Variants in KCNH8 observed in about 807,000 individuals in gnomAD.
The protein encoded by KCNH8 is potassium voltage-gated channel subfamily H member 8, also known as voltage-gated delayed rectifier potassium channel KCNH8.
In KCNH8, 70 loss-of-function variants were observed where a neutral mutation model predicts 103.6. The observed-to-expected ratio is 0.68, with a 90% CI of 0.56 to 0.82. The LOEUF (loss-of-function observed/expected upper bound fraction) is 0.82. Among genes scored for constraint, KCNH8 ranks in the 40% least tolerant of loss-of-function variants. The pLI is 0.00. For synonymous variants in KCNH8, 498 were observed against 489.4 expected, an observed-to-expected ratio of 1.02 and a Z score of -0.23; for missense variants, 1,217 against 1,329.9, an observed-to-expected ratio of 0.92 and a Z score of 1.32.
intron 11 of KCNH8, among the ~76,000 whole-genome samples, chr3:19,500,375 A>G (rs2125232625): frequency 6.6e-6 from 1 of 152,284 alleles, no homozygotes. Context: ...TAGACAGATC[A>G]ATGAGACAGA....
At chr3:19,407,653 C>T (rs566059686) in intron 7 of KCNH8, among the ~76,000 whole-genome samples, 5 of 152,024 alleles carry the variant, frequency 3.3e-5, no homozygotes, top group African/African-American at 7.2e-5. Context: ...TGCAGTGAGA[C>T]CCTCTCTGCT....
intron 3 of KCNH8, among the ~76,000 whole-genome samples, chr3:19,303,308 TA>T (rs1040771639): frequency 6.6e-5 from 10 of 152,140 alleles, no homozygotes; most frequent in Non-Finnish European, 1.3e-4. Context: ...TAAAAAGACA[TA>T]AACCCACAGG....
At chr3:19,320,716 C>G (rs2065338595) in intron 3 of KCNH8, among the ~76,000 whole-genome samples, 1 of 151,848 alleles carries the variant, frequency 6.6e-6, no homozygotes, top group Admixed American at 6.6e-5. Context: ...GGAGGATTCC[C>G]TCTTCCTCTG....
intron 1 of KCNH8, among the ~76,000 whole-genome samples, chr3:19,149,363 T>C (rs1217669646): frequency 6.6e-6 from 1 of 152,092 alleles, no homozygotes; most frequent in African/African-American, 2.4e-5. Context: ...TATCTTTTAA[T>C]CCTTAAATGA....
At chr3:19,228,623 A>T (rs554728308) in intron 1 of KCNH8, among the ~76,000 whole-genome samples, 1 of 152,206 alleles carries the variant, frequency 6.6e-6, no homozygotes, top group Non-Finnish European at 1.5e-5. Context: ...TAGTTCTGTG[A>T]TTCATTTAAA....
chr3:19,296,352 A>G (rs1278502007), intron 3 of KCNH8, among the ~76,000 whole-genome samples: 3 of 152,252 alleles, frequency 2.0e-5, no homozygotes, highest in Non-Finnish European at 4.4e-5. Context: ...CACTCATATT[A>G]AGAATGCTTA....
chr3:19,495,100 A>G (rs2068410787), intron 11 of KCNH8, among the ~76,000 whole-genome samples: 1 of 151,856 alleles, frequency 6.6e-6, no homozygotes, highest in South Asian at 2.1e-4. Context: ...TGGATATTAG[A>G]CCTTTGTTGG....
chr3:19,152,045 A>G (rs1239877913), intron 1 of KCNH8, among the ~76,000 whole-genome samples: 1 of 152,092 alleles, frequency 6.6e-6, no homozygotes, highest in Non-Finnish European at 1.5e-5. Flanking sequence ...TACACATAGC[A>G]AAAACCACTC....
intron 3 of KCNH8, among the ~76,000 whole-genome samples, chr3:19,293,611 C>T (rs779296585): frequency 1.3e-5 from 2 of 152,178 alleles, no homozygotes; most frequent in East Asian, 3.8e-4. Flanking sequence ...GCTTCCCCAA[C>T]CATCCAGATT....
At chr3:19,444,872 G>C (rs2067339707) in intron 8 of KCNH8, among the ~76,000 whole-genome samples, 1 of 151,936 alleles carries the variant, frequency 6.6e-6, no homozygotes, top group Non-Finnish European at 1.5e-5. Flanking sequence ...GAAACACCTT[G>C]ACCTCCTCTC....
intron 1 of KCNH8, among the ~76,000 whole-genome samples, chr3:19,236,532 G>A (rs949879883): frequency 6.6e-6 from 1 of 152,108 alleles, no homozygotes; most frequent in African/African-American, 2.4e-5. Flanking sequence ...GGAGTAAGAG[G>A]GCACTGGTTA....
intron 11 of KCNH8, among the ~76,000 whole-genome samples, chr3:19,476,110 T>C (rs1040228160): frequency 3.3e-5 from 5 of 152,214 alleles, no homozygotes; most frequent in African/African-American, 1.2e-4. Flanking sequence ...AAAACAATTA[T>C]GCATTTAGTC....
At position 19,515,303 on chromosome 3, in the gene KCNH8, T is replaced by A. The variant is rs1452377885; in HGVS notation, c.2436-19T>A. Reference sequence around the variant, plus strand: ...TGAATATGAATCCACAGCCAGCCAATTTCCTTTATTTTAAGTAGGATTGTT... The same window carrying A: ...TGAATATGAATCCACAGCCAGCCAAATTCCTTTATTTTAAGTAGGATTGTT... On this transcript the variant is annotated intron_variant, in intron 13 of 15. Transcript: ENST00000328405. 1 of 1,420,438 alleles carries A rather than the reference T, an allele frequency of 7.0e-7. No individual in the cohort carries two copies. The highest frequency in any genetic ancestry group is 2.3e-5 in the East Asian group (1 of 43,328). The allele number at this position is 1,420,438 out of a possible 1,614,324, so 88.0% of individuals were successfully genotyped here. A position where few individuals can be genotyped will look rare whatever the true frequency, so the allele number is the denominator to read the frequency against.
intron 11 of KCNH8, among the ~76,000 whole-genome samples, chr3:19,500,065 CAT>C (rs1346353209): frequency 6.6e-6 from 1 of 152,144 alleles, no homozygotes; most frequent in Non-Finnish European, 1.5e-5. Flanking sequence ...CAGAGACACA[CAT>C]AGGCTCAAAT....
At chr3:19,353,305 C>A (rs1559488705) in intron 5 of KCNH8, among the ~76,000 whole-genome samples, 1 of 152,140 alleles carries the variant, frequency 6.6e-6, no homozygotes, top group South Asian at 2.1e-4. Context: ...ACCAGAGGTA[C>A]AAAGAGGAGC....
chr3:19,505,640 T>TG (rs1012107944), intron 11 of KCNH8, among the ~76,000 whole-genome samples: 1 of 152,088 alleles, frequency 6.6e-6, no homozygotes, highest in African/African-American at 2.4e-5. Flanking sequence ...TTATGTGTCT[T>TG]GGGGATGTCT....
chr3:19,450,769 C>T, intron 9 of KCNH8: 1 of 270,944 alleles, frequency 3.7e-6, no homozygotes, highest in Non-Finnish European at 7.1e-6. Flanking sequence ...AACCCACCAG[C>T]CAAACCTGTA....
intron 3 of KCNH8, among the ~76,000 whole-genome samples, chr3:19,285,701 T>TA (rs200066593): frequency 0.019 from 2,557 of 133,274 alleles, 51 homozygotes; most frequent in African/African-American, 0.051. Context: ...GTTGACATAG[T>TA]AAAAAAAAAA....
intron 2 of KCNH8, among the ~76,000 whole-genome samples, chr3:19,271,795 G>T (rs2064592129): frequency 6.6e-6 from 1 of 152,098 alleles, no homozygotes; most frequent in South Asian, 2.1e-4. Flanking sequence ...AGTCTCAGAA[G>T]ATGAATCCAG....
Sources: gnomAD v4.1 joint callset for allele counts (sites outside exome capture counted in the v4.1 genomes callset) on GRCh38, gnomAD v4.1.1 for gene constraint, MANE v1.5 for transcripts, NCBI Gene and HGNC (gene_info 2026-07-23, HGNC 2026-07-21) for gene names.